GRAMD1B: variants seen among roughly 807,000 people sequenced by gnomAD.
GRAMD1B encodes GRAM domain containing 1B, also known as protein Aster-B.
In GRAMD1B, 37 loss-of-function variants were observed where a neutral mutation model predicts 99.7. That is an observed-to-expected ratio of 0.37 (90% confidence interval 0.29 to 0.49). The LOEUF is 0.49. GRAMD1B is among the 20% of genes least tolerant of loss of function. The pLI is 0.98. For missense variants in GRAMD1B, 888 were observed against 1,009.2 expected (o/e 0.88, Z 1.63); for synonymous variants, 427 against 387.6 (o/e 1.10, Z -1.19).
chr11:123,433,340 T>G (rs1474574061), intron 1 of GRAMD1B, among the ~76,000 whole-genome samples: 2 of 152,146 alleles, frequency 1.3e-5, no homozygotes, highest in Non-Finnish European at 2.9e-5. Context: ...ATCGCGCCAT[T>G]GCACTCCAGC....
chr11:123,552,273 C>CTTTTTTTTTTTTTTTTTTT (rs71060514), intron 2 of GRAMD1B, among the ~76,000 whole-genome samples: 19 of 119,344 alleles, frequency 1.6e-4, no homozygotes, highest in Non-Finnish European at 2.7e-4. Context: ...CTCTTTCTTT[C>CTTTTTTTTTTTTTTTTTTT]TTTTTTTTTT....
intron 3 of GRAMD1B, among the ~76,000 whole-genome samples, chr11:123,578,881 G>A (rs1449947093): frequency 3.3e-5 from 5 of 152,170 alleles, no homozygotes; most frequent in African/African-American, 1.2e-4. Context: ...TGCGCTGACT[G>A]GGGGGCAGGG....
chr11:123,613,533 C>A lies in GRAMD1B; in HGVS notation c.2102C>A (p.Thr701Asn). Residue 701 changes from threonine to asparagine, a missense_variant, in exon 16 of 20, where the codon ACT (threonine) becomes AAT (asparagine). By Grantham distance (65) the Thr-to-Asn change is moderately conservative (BLOSUM62 0). This residue lies in a region of GRAMD1B where 232 missense variants were observed against 261.7 expected (regional missense o/e 0.89). Coordinates refer to ENST00000635736, the MANE Select transcript of GRAMD1B (RefSeq NM_001387025.1). The stretch of plus-strand genomic sequence containing the variant: ...TCTCCCAAAGAGAAGGCCAGCAAGA[C>A]TACAACGGTGCGGAGGAGGAAGCGT... The part of the protein sequence containing the change: ...RQSPKEKASK[T>N]TTVRRRKRPH... The A allele has an allele frequency of 6.2e-7, 1 of 1,613,714 alleles. No individual in the cohort carries two copies. The highest frequency in any genetic ancestry group is 8.5e-7 in the Non-Finnish European group (1 of 1,179,774).
chr11:123,557,655 A>C (rs184038372), intron 2 of GRAMD1B, among the ~76,000 whole-genome samples: 29 of 152,338 alleles, frequency 1.9e-4, no homozygotes, highest in Non-Finnish European at 3.8e-4. Flanking sequence ...AGATTGAAAG[A>C]TCGGAAACTT....
intron 1 of GRAMD1B, among the ~76,000 whole-genome samples, chr11:123,473,592 G>A (rs1412774347): frequency 1.3e-5 from 2 of 152,134 alleles, no homozygotes; most frequent in African/African-American, 4.8e-5. Flanking sequence ...ATTAAATAGA[G>A]AAGTATTCAT....
chr11:123,376,791 C>T (rs1012208949), intron 1 of GRAMD1B, among the ~76,000 whole-genome samples: 1 of 152,126 alleles, frequency 6.6e-6, no homozygotes, highest in African/African-American at 2.4e-5. Flanking sequence ...GGGACCAAGT[C>T]CTTGGAATTT....
rs1254412468 is a variant in GRAMD1B at position 123,433,569 on chromosome 11, A to T, written c.374+2403A>T. ...CTACTTGGGTTGTGGTGTGAGGATC[A>T]CATGAGCCCAAGAGTTCAAGGCTTT... On this transcript the variant is annotated intron_variant, in intron 1 of 19. Coordinates refer to ENST00000635736, the MANE Select transcript of GRAMD1B (RefSeq NM_001387025.1). Among the ~76,000 whole-genome samples, 3 of 152,186 alleles carry T rather than the reference A, an allele frequency of 2.0e-5. No individual in the cohort carries two copies. In the East Asian group the frequency reaches 5.8e-4, roughly 29 times the overall value.
At chr11:123,508,449 T>A (rs1472667005) in intron 2 of GRAMD1B, among the ~76,000 whole-genome samples, 4 of 152,220 alleles carry the variant, frequency 2.6e-5, no homozygotes, top group Non-Finnish European at 4.4e-5. Context: ...AATTTCAACA[T>A]GAGTTTGGAC....
intron 1 of GRAMD1B, among the ~76,000 whole-genome samples, chr11:123,401,789 G>T: frequency 6.6e-6 from 1 of 152,162 alleles, no homozygotes; most frequent in Non-Finnish European, 1.5e-5. Context: ...TGTGCCGGCA[G>T]TCCCAGCTAC....
intron 1 of GRAMD1B, among the ~76,000 whole-genome samples, chr11:123,397,039 C>T (rs1293191396): frequency 6.6e-6 from 1 of 152,026 alleles, no homozygotes; most frequent in African/African-American, 2.4e-5. Flanking sequence ...CATTTTATAA[C>T]ACCAAAATCA....
intron 18 of GRAMD1B, 137 bp downstream of exon 18, chr11:123,618,937 C>T (rs1038473192): frequency 1.4e-6 from 1 of 706,906 alleles, no homozygotes; most frequent in Non-Finnish European, 2.5e-6. Flanking sequence ...CTCAGAATCT[C>T]TCCCTATAGT....
At chr11:123,593,230 TAAACAAACAAACAAAC>T (rs372424623) in intron 4 of GRAMD1B, among the ~76,000 whole-genome samples, 2 of 151,502 alleles carry the variant, frequency 1.3e-5, no homozygotes, top group African/African-American at 4.9e-5. Context: ...AGACTCTGTC[TAAACAAACAAACAAAC>T]AAACAAACAA....
chr11:123,568,395 C>A (rs542185602), intron 2 of GRAMD1B, among the ~76,000 whole-genome samples: 105 of 152,316 alleles, frequency 6.9e-4, no homozygotes, highest in African/African-American at 2.5e-3. Context: ...CAGTCCAGTT[C>A]CACCTTTGGT....
At position 123,469,405 on chromosome 11, in the gene GRAMD1B, G is replaced by C. The variant is rs199942695; in HGVS notation, c.375-11411G>C. On this transcript the variant is annotated intron_variant, in intron 1 of 19. Coordinates refer to ENST00000635736, the MANE Select transcript of GRAMD1B (RefSeq NM_001387025.1). ...GTAATCTGGGTGAGGAGTGATGAGA[G>C]CTTGGTTTCAGACAGAGGCCGTCGG... Among the ~76,000 whole-genome samples the C allele has an allele frequency of 1.2e-4, 18 of 152,262 alleles. No individual in the cohort carries two copies. The East Asian group carries it at 3.3e-3, about 28-fold the overall frequency.
chr11:123,549,056 G>C (rs894619542), intron 2 of GRAMD1B, among the ~76,000 whole-genome samples: 1 of 152,196 alleles, frequency 6.6e-6, no homozygotes, highest in African/African-American at 2.4e-5. Context: ...AGGGAGAGGA[G>C]AGGTAGTTAG....
chr11:123,558,721 G>T (rs1173473189), intron 2 of GRAMD1B, among the ~76,000 whole-genome samples: 1 of 152,174 alleles, frequency 6.6e-6, no homozygotes, highest in African/African-American at 2.4e-5. Flanking sequence ...TGAAATTGGG[G>T]CATTGCCAAT....
intron 2 of GRAMD1B, among the ~76,000 whole-genome samples, chr11:123,538,313 A>G (rs906657236): frequency 6.6e-6 from 1 of 152,016 alleles, no homozygotes; most frequent in South Asian, 2.1e-4. Context: ...GACTCTTGCC[A>G]CCTTCCTAAT....
intron 1 of GRAMD1B, among the ~76,000 whole-genome samples, chr11:123,438,520 G>A (rs565813735): frequency 4.9e-4 from 75 of 152,318 alleles, no homozygotes; most frequent in Non-Finnish European, 9.6e-4. Flanking sequence ...GGACTCCTCC[G>A]TGAGAATCAG....
chr11:123,422,159 G>T (rs763734229), intron 1 of GRAMD1B, among the ~76,000 whole-genome samples: 8 of 152,166 alleles, frequency 5.3e-5, no homozygotes, highest in Admixed American at 5.2e-4. Flanking sequence ...TGTAGGAGAG[G>T]GATGTGGGGG....
Sources: allele counts gnomAD v4.1 joint callset (sites outside exome capture counted in the v4.1 genomes callset), GRCh38; gene constraint gnomAD v4.1.1; regional missense constraint gnomAD v4.1.1; transcripts MANE v1.5; gene names NCBI Gene and HGNC (gene_info 2026-07-23, HGNC 2026-07-21).